WWP1: variants seen among roughly 807,000 people sequenced by gnomAD.
WWP1 encodes WW domain containing E3 ubiquitin protein ligase 1.
Under a neutral mutation model 130.6 loss-of-function variants are expected in WWP1, and 49 were observed. The ratio of observed to expected loss-of-function variants is 0.38; its 90% CI spans 0.30 to 0.48. The LOEUF (loss-of-function observed/expected upper bound fraction) is 0.48, where lower values mean the gene tolerates loss of function less well. WWP1 is among the 20% of genes least tolerant of loss of function. WWP1 has a pLI of 0.99. For missense variants in WWP1, 809 were observed against 1,100.6 expected, an observed-to-expected ratio of 0.74 and a Z score of 3.75; for synonymous variants, 332 against 367.8, an observed-to-expected ratio of 0.90 and a Z score of 1.11.
chr8:86,464,427 T>G (rs79729032), intron 24 of WWP1, among the ~76,000 whole-genome samples: 3,062 of 152,332 alleles, frequency 0.02, 51 homozygotes, highest in Middle Eastern at 0.065. Context: ...CAAAGTGAAT[T>G]AATATTTTTT....
At chr8:86,427,997 A>G (rs1042382936) in intron 11 of WWP1, among the ~76,000 whole-genome samples, 180 bp downstream of exon 11, 4 of 151,944 alleles carry the variant, frequency 2.6e-5, no homozygotes, top group Admixed American at 6.6e-5. Context: ...TCTGATATAT[A>G]TAAGTACTTT....
At chr8:86,383,994 T>A (rs1204672815) in intron 5 of WWP1, among the ~76,000 whole-genome samples, 1 of 152,108 alleles carries the variant, frequency 6.6e-6, no homozygotes, top group Non-Finnish European at 1.5e-5. Flanking sequence ...AAGTCGGTGA[T>A]TAAGATATCA....
chr8:86,452,435 A>G, intron 20 of WWP1, 124 bp from the exon 21 acceptor site: 2 of 823,308 alleles, frequency 2.4e-6, no homozygotes, highest in East Asian at 5.4e-5. Flanking sequence ...CACACATCAC[A>G]TTTATATGTT....
chr8:86,425,181 A>G (rs1809548111), intron 9 of WWP1, 42 bp from the exon 10 acceptor site: 1 of 1,510,512 alleles, frequency 6.6e-7, no homozygotes. Context: ...AGATTGTCCT[A>G]GTGTGTTGTC....
rs1024729624 is a variant in WWP1 at position 86,427,764 on chromosome 8, C to T, written c.1279C>T (p.Arg427Trp). ...VRNFEQWQSQ[R>W]NQLQGAMQQF... ...AAATTTTGAACAGTGGCAATCTCAG[C>T]GGAACCAATTGCAGGGAGCTATGCA... Residue 427 changes from arginine (R) to tryptophan (W), a missense_variant, in exon 11 of 25, where the codon CGG becomes TGG. Coordinates refer to ENST00000517970, the MANE Select transcript of WWP1 (RefSeq NM_007013.4). The T allele has an allele frequency of 6.2e-7, 1 of 1,613,732 alleles. No individual in the cohort carries two copies.
chr8:86,363,744 C>T (rs777422842), intron 1 of WWP1, among the ~76,000 whole-genome samples: 6 of 143,340 alleles, frequency 4.2e-5, no homozygotes, highest in Middle Eastern at 3.9e-3. Flanking sequence ...TGCAGTGAGC[C>T]GAGATCGCAC....
intron 1 of WWP1, among the ~76,000 whole-genome samples, chr8:86,366,137 G>A (rs1313056571): frequency 2.6e-5 from 4 of 152,246 alleles, no homozygotes; most frequent in African/African-American, 9.6e-5. Flanking sequence ...TAGTTCCTGA[G>A]TTAAGCAGAC....
intron 18 of WWP1, 47 bp downstream of exon 18, chr8:86,442,825 TA>T (rs1356633639): frequency 6.7e-7 from 1 of 1,497,698 alleles, no homozygotes; most frequent in African/African-American, 1.6e-5. Context: ...GTTACAAATG[TA>T]TTAGAGAAGG....
At chr8:86,442,072 T>C (rs1211085519) in intron 17 of WWP1, among the ~76,000 whole-genome samples, 2 of 152,176 alleles carry the variant, frequency 1.3e-5, no homozygotes, top group Non-Finnish European at 2.9e-5. Flanking sequence ...ATAGCAGCAG[T>C]GCTGTGTATC....
At position 86,402,123 on chromosome 8, in the gene WWP1, C is replaced by T. The variant is rs1808020885; in HGVS notation, c.644C>T (p.Ser215Leu). ...SYVVNGDNTP[S>L]SPSQVAARPK... ...GTAGTTAATGGAGACAACACACCTT[C>T]ATCTCCGTCTCAGGTTGCTGCCAGA... Residue 215 changes from serine (S) to leucine (L), a missense_variant, in exon 8 of 25, where the codon TCA (serine) becomes TTA (leucine). Transcript: ENST00000517970. 1 of 1,614,030 alleles carries T rather than the reference C, an allele frequency of 6.2e-7. No individual in the cohort carries two copies. The highest frequency in any genetic ancestry group is 1.3e-5 in the African/African-American group (1 of 74,920).
chr8:86,401,923 A>T (rs1018069618), intron 7 of WWP1, 96 bp from the exon 8 acceptor site: 2 of 1,208,906 alleles, frequency 1.7e-6, no homozygotes, highest in African/African-American at 4.0e-5. Context: ...ATAACAAAAA[A>T]GAAACTTAAG....
In WWP1 at chr8:86,398,561, T is replaced by C; in HGVS notation, c.473-11T>C. 1.2e-6 allele frequency: 2 copies of C among 1,612,790 alleles called. No homozygotes were observed. Among genetic ancestry groups the C allele is most frequent in the Non-Finnish European group, 1.7e-6 (2 of 1,179,642 alleles). ...TATAAAAACCTAGTTTTTTTCTTTC[T>C]TGTTGTTCAGTAGAAATACAGGAAA... On this transcript the variant is annotated splice_polypyrimidine_tract_variant and intron_variant, in intron 6 of 24. Transcript: ENST00000517970.
chr8:86,452,354 G>A (rs1439450569), intron 20 of WWP1, among the ~76,000 whole-genome samples: 1 of 151,530 alleles, frequency 6.6e-6, no homozygotes, highest in African/African-American at 2.4e-5. Context: ...CTTTTTAATA[G>A]TTAACAATGT....
chr8:86,424,533 G>A (rs1182751600), intron 9 of WWP1, among the ~76,000 whole-genome samples: 2 of 151,946 alleles, frequency 1.3e-5, no homozygotes, highest in South Asian at 2.1e-4. Context: ...CTGAGTGAAC[G>A]AGACTCCGTC....
In WWP1 at chr8:86,427,796, T is replaced by G; in HGVS notation, c.1311T>G (p.Phe437Leu). 4 of 1,612,552 alleles carry G rather than the reference T, an allele frequency of 2.5e-6. No homozygotes were observed. Among genetic ancestry groups the G allele is most frequent in the Non-Finnish European group, 3.4e-6 (4 of 1,179,166 alleles). The change falls in exon 11 of 25, where the codon TTT (phenylalanine) becomes TTG (leucine). Residue 437 changes from phenylalanine to leucine, a missense_variant. This residue lies in a region of WWP1 where 450 missense variants were observed against 674.2 expected (regional missense o/e 0.67). Coordinates refer to ENST00000517970, the MANE Select transcript of WWP1 (RefSeq NM_007013.4). ...RNQLQGAMQQ[F>L]NQRYLYSASM... ...AATTGCAGGGAGCTATGCAACAGTT[T>G]AACCAACGATACCTCTATTCGGTAA...
At chr8:86,440,762 C>CT (rs1478006610) in intron 17 of WWP1, 1 of 420,514 alleles carries the variant, frequency 2.4e-6, no homozygotes, top group African/African-American at 2.1e-5. Context: ...GTCAGTCTTA[C>CT]ATGTCTGTCA....
In WWP1 at chr8:86,352,831, G is replaced by T. The variant is rs995057552; in HGVS notation, c.-115+9901G>T. ...TGATTACAGTGAGGAGTAGGCAAGA[G>T]AAATGATACTGCAAAGAGATGTCCA... is the stretch of plus-strand genomic sequence containing the variant. On this transcript the variant is annotated intron_variant, in intron 1 of 24. Transcript: ENST00000517970. 3.3e-5 allele frequency among the ~76,000 whole-genome samples: 5 copies of T among 152,214 alleles called. No individual in the cohort carries two copies. In the East Asian group the frequency reaches 5.8e-4, roughly 18 times the overall value.
chr8:86,412,009 T>A (rs1336908731), intron 9 of WWP1, 135 bp downstream of exon 9: 1 of 843,276 alleles, frequency 1.2e-6, no homozygotes, highest in Non-Finnish European at 1.8e-6. Context: ...TCATACTATT[T>A]ATTTACTTGC....
intron 7 of WWP1, among the ~76,000 whole-genome samples, chr8:86,398,931 C>G (rs1340104836): frequency 1.3e-5 from 2 of 152,078 alleles, no homozygotes; most frequent in African/African-American, 4.8e-5. Flanking sequence ...AATATTCTAC[C>G]TTGAAGAGAA....
Sources: allele counts gnomAD v4.1 joint callset (sites outside exome capture counted in the v4.1 genomes callset), GRCh38; gene constraint gnomAD v4.1.1; regional missense constraint gnomAD v4.1.1; transcripts MANE v1.5; gene names NCBI Gene and HGNC (gene_info 2026-07-23, HGNC 2026-07-21).